Variants in CAND2 observed in about 807,000 individuals in gnomAD.
CAND2 encodes the protein cullin associated and neddylation dissociated 2 (putative), also known as cullin-associated NEDD8-dissociated protein 2.
In CAND2, 62 loss-of-function variants were observed where a neutral mutation model predicts 98.9. The ratio of observed to expected loss-of-function variants is 0.63; its 90% CI spans 0.51 to 0.77. The LOEUF is 0.77. CAND2 is among the 30% of genes least tolerant of loss of function. CAND2 has a pLI of 0.00. For synonymous variants in CAND2, 770 were observed against 731.9 expected, an observed-to-expected ratio of 1.05 and a Z score of -0.84; for missense variants, 1,501 against 1,655.2, an observed-to-expected ratio of 0.91 and a Z score of 1.62.
intron 12 of CAND2, among the ~76,000 whole-genome samples, chr3:12,827,048 G>A (rs1387016861): frequency 6.6e-6 from 1 of 151,936 alleles, no homozygotes; most frequent in Non-Finnish European, 1.5e-5. Context: ...AGCCAGGATG[G>A]CCTCAATCTC....
At chr3:12,799,809 T>A (rs896672592) in intron 1 of CAND2, among the ~76,000 whole-genome samples, 2 of 152,216 alleles carry the variant, frequency 1.3e-5, no homozygotes, top group Non-Finnish European at 2.9e-5. Flanking sequence ...GAAAGGATCT[T>A]GTCCAGGGAA....
Position 12,820,073 on chromosome 3 carries a change from T to C in CAND2, c.2945-13T>C, listed in dbSNP as rs771516553. ...CCCTGCCCCTCACTAACTCACCTCT[T>C]CTTGTCCTGCAGGTCGGCCACACAC... On this transcript the variant is annotated splice_polypyrimidine_tract_variant and intron_variant, in intron 10 of 14. Coordinates refer to ENST00000456430, the MANE Select transcript of CAND2 (RefSeq NM_001162499.2). The C allele has an allele frequency of 3.1e-6, 5 of 1,612,350 alleles. No individual in the cohort carries two copies. The highest frequency in any genetic ancestry group is 1.7e-5 in the Admixed American group (1 of 59,988).
rs1054069122 is a variant in CAND2, at chr3:12,807,306, C to T, written c.213C>T (p.Cys71=). 5.4e-5 allele frequency: 84 copies of T among 1,551,068 alleles called. No homozygotes were observed. In the East Asian group the frequency reaches 7.6e-4, roughly 14 times the overall value. Reference sequence around the variant, plus strand: ...ATTCACCTTCCCACTCCCTGCTCAGCCTGGGTCCTCTGGTGGTCAAAGTGA... The same window carrying T: ...ATTCACCTTCCCACTCCCTGCTCAGTCTGGGTCCTCTGGTGGTCAAAGTGA... The part of the protein sequence containing the change: ...NGEVQNLAVK[C]LGPLVVKVKE... The change falls in exon 3 of 15, where the codon TGC becomes TGT. Residue 71 remains cysteine, a splice_region_variant and synonymous_variant. Transcript: ENST00000456430.
chr3:12,814,042 C>T (rs1411015441), intron 7 of CAND2, among the ~76,000 whole-genome samples: 3 of 152,152 alleles, frequency 2.0e-5, no homozygotes, highest in East Asian at 3.8e-4. Context: ...GACAGGCATG[C>T]GGGGGCCTTG....
In CAND2 at chr3:12,815,098, C is replaced by T. The variant is rs780218253; in HGVS notation, c.1007-43C>T. 5.7e-6 allele frequency: 9 copies of T among 1,571,514 alleles called. No homozygotes were observed. In the Admixed American group the frequency reaches 6.8e-5, roughly 12 times the overall value. Reference sequence around the variant, plus strand: ...CTTCTCCCCCGAGCCACAGACCTGTCCTGGGAGATGAGGGTTCCACGTGTG... The same window carrying T: ...CTTCTCCCCCGAGCCACAGACCTGTTCTGGGAGATGAGGGTTCCACGTGTG... On this transcript the variant is annotated intron_variant, in intron 7 of 14. Coordinates refer to ENST00000456430, the MANE Select transcript of CAND2 (RefSeq NM_001162499.2). This position sits in a 1 kb window ranked among gnomAD's most constrained non-coding sequence, Gnocchi z 5.7.
chr3:12,813,064 T>C lies in CAND2; in HGVS notation c.832T>C (p.Cys278Arg). 1 of 1,582,402 alleles carries C rather than the reference T, an allele frequency of 6.3e-7. No homozygotes were observed. Among genetic ancestry groups the C allele is most frequent in the Non-Finnish European group, 8.6e-7 (1 of 1,164,566 alleles). The change falls in exon 6 of 15, where the codon TGC becomes CGC. Residue 278 changes from cysteine (C) to arginine (R), a missense_variant. Transcript: ENST00000456430. Reference protein sequence around the residue: ...NLDDDELRESCLQAFEAFLRK... With the variant: ...NLDDDELRESRLQAFEAFLRK... ...GGATGATGATGAGCTCCGGGAGTCC[T>C]GCCTCCAGGCTTTTGAGGCCTTCTT...
In CAND2 at chr3:12,808,296, C is replaced by G; in HGVS notation, c.454C>G (p.Leu152Val). Residue 152 changes from leucine (L) to valine (V), a missense_variant, in exon 4 of 15, where the codon CTG becomes GTG. Transcript: ENST00000456430. ...CCAGCAGGAGGATGTGGCTGTGCAG[C>G]TGGAAGCCCTGGACATCCTCTCTGA... Reference protein sequence around the residue: ...IAQQEDVAVQLEALDILSDML... With the variant: ...IAQQEDVAVQVEALDILSDML... 6.4e-7 allele frequency: 1 copy of G among 1,551,490 alleles called. No homozygotes were observed. Among genetic ancestry groups the G allele is most frequent in the African/African-American group, 1.4e-5 (1 of 73,160 alleles).
rs1170097234 is a variant in CAND2 at position 12,810,079 on chromosome 3, C to T, written c.512C>T (p.Ala171Val). ...MLSRLGVPLG[A>V]FHASLLHCLL... ...CCCAGGCTGGGTGTCCCGCTGGGCG[C>T]CTTCCACGCCAGCCTCCTGCACTGT... Residue 171 changes from alanine to valine, a missense_variant, in exon 5 of 15, where the codon GCC becomes GTC. Transcript: ENST00000456430. The T allele has an allele frequency of 8.3e-6, 12 of 1,440,480 alleles. No individual in the cohort carries two copies. Among genetic ancestry groups the T allele is most frequent in the Middle Eastern group, 1.9e-4 (1 of 5,330 alleles). The allele number at this position is 1,440,480 out of a possible 1,614,324, so 89.2% of individuals were successfully genotyped here.
In CAND2 at chr3:12,819,356, A is replaced by G. The variant is rs144857709; in HGVS notation, c.2945-730A>G. Among the ~76,000 whole-genome samples the G allele has an allele frequency of 7.2e-5, 11 of 152,316 alleles. No homozygotes were observed. The East Asian group carries it at 2.1e-3, about 29-fold the overall frequency. On this transcript the variant is annotated intron_variant, in intron 10 of 14. Transcript: ENST00000456430. ...GGAAACACCTTAGCCCATTCACTGC[A>G]TTGTGCTGGGGTTGGGCAGGGAGCA...
In CAND2 at chr3:12,810,062, G is replaced by T. The variant is rs1268152882; in HGVS notation, c.495G>T (p.Leu165=). The change falls in exon 5 of 15, where the codon CTG becomes CTT. Residue 165 remains leucine, a synonymous_variant. Coordinates refer to ENST00000456430, the MANE Select transcript of CAND2 (RefSeq NM_001162499.2). ...LDILSDMLSR[L]GVPLGAFHAS... is the part of the protein sequence containing the mutation. ...GATGCCCCCTCGTGCTCCCCAGGCT[G>T]GGTGTCCCGCTGGGCGCCTTCCACG... The T allele has an allele frequency of 2.1e-6, 3 of 1,425,408 alleles. No homozygotes were observed. Among genetic ancestry groups the T allele is most frequent in the Admixed American group, 2.6e-5 (1 of 38,224 alleles). The allele number at this position is 1,425,408 out of a possible 1,614,324, so 88.3% of individuals were successfully genotyped here. A position where few individuals can be genotyped will look rare whatever the true frequency, so the allele number is the denominator to read the frequency against.
Position 12,810,051 on chromosome 3 carries a change from C to T in CAND2, c.492-8C>T, listed in dbSNP as rs903073888. On this transcript the variant is annotated splice_polypyrimidine_tract_variant and splice_region_variant and intron_variant, in intron 4 of 14. Transcript: ENST00000456430. ...GCGATCGGCCTGATGCCCCCTCGTG[C>T]TCCCCAGGCTGGGTGTCCCGCTGGG... 30 of 1,410,184 alleles carry T rather than the reference C, an allele frequency of 2.1e-5. No homozygotes were observed. Among genetic ancestry groups the T allele is most frequent in the Non-Finnish European group, 2.5e-5 (27 of 1,083,780 alleles). 87.4% of individuals were successfully genotyped at this position (1,410,184 alleles called of 1,614,324 possible). A position where few individuals can be genotyped will look rare whatever the true frequency, so the allele number is the denominator to read the frequency against.
chr3:12,818,010 G>A (rs983748559), intron 10 of CAND2, 134 bp downstream of exon 10: 6 of 761,630 alleles, frequency 7.9e-6, no homozygotes, highest in Non-Finnish European at 1.2e-5. Context: ...TACGACAGAG[G>A]CAAGGAAGCT....
chr3:12,827,631 A>G (rs762581097), intron 13 of CAND2, 27 bp downstream of exon 13: 41 of 1,587,290 alleles, frequency 2.6e-5, no homozygotes, highest in South Asian at 1.1e-4. Flanking sequence ...TGCCAGATCT[A>G]TGTGCCCCTG....
Position 12,804,303 on chromosome 3 carries a change from A to T in CAND2, c.212+672A>T, listed in dbSNP as rs189208683. Among the ~76,000 whole-genome samples, 293 of 147,448 alleles carry T rather than the reference A, an allele frequency of 2.0e-3. 1 individual carries two copies. Among genetic ancestry groups the T allele is most frequent in the Admixed American group, 4.5e-3 (66 of 14,756 alleles). On this transcript the variant is annotated intron_variant, in intron 2 of 14. Coordinates refer to ENST00000456430, the MANE Select transcript of CAND2 (RefSeq NM_001162499.2). Reference sequence around the variant, plus strand: ...ACCCTGTCTCTACTAAATAATAATTAAAAAAAAAAAGTTGCCGGGCATGGT... The same window carrying T: ...ACCCTGTCTCTACTAAATAATAATTTAAAAAAAAAAGTTGCCGGGCATGGT...
Position 12,799,855 on chromosome 3 carries a change from G to A in CAND2, c.68+3067G>A, listed in dbSNP as rs73813557. Among the ~76,000 whole-genome samples, 178 of 152,320 alleles carry A rather than the reference G, an allele frequency of 1.2e-3. 1 individual carries two copies. The highest frequency in any genetic ancestry group is 4.0e-3 in the African/African-American group (165 of 41,560). ...TAGGGGCTGTGGATGCAGGGGTAGG[G>A]CAGGGAGGTCAGTCATCCTTGAGCT... is the stretch of plus-strand genomic sequence containing the variant. On this transcript the variant is annotated intron_variant, in intron 1 of 14. Coordinates refer to ENST00000456430, the MANE Select transcript of CAND2 (RefSeq NM_001162499.2).
chr3:12,816,521 T>A lies in CAND2; in HGVS notation c.1589T>A (p.Val530Glu). ...CTCCTGCCACCTGTGATGGCCTGTGTGGCTGACTCTTTCTACAAGATTGCA... is the reference window on the plus strand; with the variant it reads ...CTCCTGCCACCTGTGATGGCCTGTGAGGCTGACTCTTTCTACAAGATTGCA... ...PILLPPVMAC[V>E]ADSFYKIAAE... is the part of the protein sequence containing the mutation. Residue 530 changes from valine (V) to glutamate (E), a missense_variant, in exon 10 of 15, where the codon GTG (valine) becomes GAG (glutamate). By Grantham distance (121) the Val-to-Glu change is moderately radical. Transcript: ENST00000456430. The A allele has an allele frequency of 6.2e-7, 1 of 1,614,076 alleles. No homozygotes were observed. Among genetic ancestry groups the A allele is most frequent in the Non-Finnish European group, 8.5e-7 (1 of 1,180,018 alleles).
intron 3 of CAND2, among the ~76,000 whole-genome samples, chr3:12,807,669 T>C (rs796951739): frequency 9.2e-5 from 14 of 152,330 alleles, no homozygotes; most frequent in African/African-American, 3.1e-4. Flanking sequence ...GCTCAAGTGA[T>C]GAAATCTAAC....
chr3:12,828,005 G>A (rs1350003210), intron 13 of CAND2, among the ~76,000 whole-genome samples: 1 of 151,482 alleles, frequency 6.6e-6, no homozygotes, highest in Non-Finnish European at 1.5e-5. Context: ...AAAATTCCCA[G>A]ACGAAATTTT....
chr3:12,815,793 A>G lies in CAND2; in HGVS notation c.1300-74A>G. The stretch of plus-strand genomic sequence containing the variant: ...TCCTCCCTGGGGATGTGTCTGGCAA[A>G]GCCTCCTGGTAGTGGGCAGGTGGGT... On this transcript the variant is annotated intron_variant, in intron 8 of 14. Transcript: ENST00000456430. The surrounding 1 kb of genome is among the most constrained non-coding windows in gnomAD (Gnocchi z 5.7). 1 of 1,449,392 alleles carries G rather than the reference A, an allele frequency of 6.9e-7. No individual in the cohort carries two copies. The highest frequency in any genetic ancestry group is 9.5e-7 in the Non-Finnish European group (1 of 1,051,648). The allele number at this position is 1,449,392 out of a possible 1,614,324, so 89.8% of individuals were successfully genotyped here.
Sources: allele counts gnomAD v4.1 joint callset (sites outside exome capture counted in the v4.1 genomes callset), GRCh38; gene constraint gnomAD v4.1.1; non-coding constraint Gnocchi (gnomAD v3.1); transcripts MANE v1.5; gene names NCBI Gene and HGNC (gene_info 2026-07-23, HGNC 2026-07-21).